DLC1: variants seen among roughly 807,000 people sequenced by gnomAD.
DLC1 encodes rho GTPase-activating protein 7.
Under a neutral mutation model 140.3 loss-of-function variants are expected in DLC1, and 54 were observed. The ratio of observed to expected loss-of-function variants is 0.38; its 90% CI spans 0.31 to 0.48. The LOEUF is 0.48. Ranked by LOEUF, DLC1 falls within the 20% of genes least tolerant of loss-of-function variation. The pLI, the probability that DLC1 is intolerant of heterozygous loss-of-function variation, is 0.96. For missense variants in DLC1, 2,536 were observed against 1,907.0 expected, an observed-to-expected ratio of 1.33 and a Z score of -6.14; for synonymous variants, 986 against 728.1, an observed-to-expected ratio of 1.35 and a Z score of -5.70.
intron 2 of DLC1, among the ~76,000 whole-genome samples, chr8:13,477,695 C>T (rs1043572546): frequency 6.6e-6 from 1 of 152,094 alleles, no homozygotes; most frequent in African/African-American, 2.4e-5. Context: ...CATATCACTT[C>T]TACATGCTGA....
chr8:13,460,702 C>T (rs984333897), intron 2 of DLC1, among the ~76,000 whole-genome samples: 1 of 152,202 alleles, frequency 6.6e-6, no homozygotes, highest in Non-Finnish European at 1.5e-5. Flanking sequence ...GCTGATCTTT[C>T]CTGATGGCAG....
chr8:13,086,042 A>G (rs1817528386), intron 17 of DLC1, 111 bp from the exon 18 acceptor site: 1 of 1,474,572 alleles, frequency 6.8e-7, no homozygotes, highest in Non-Finnish European at 9.0e-7. Flanking sequence ...ATCATTTCCC[A>G]TGCCTTTGAA....
In DLC1 at chr8:13,099,663, C is replaced by G. The variant is rs1818836567; in HGVS notation, c.2674G>C (p.Gly892Arg). The G allele has an allele frequency of 6.2e-7, 1 of 1,614,202 alleles. No homozygotes were observed. Among genetic ancestry groups the G allele is most frequent in the Non-Finnish European group, 8.5e-7 (1 of 1,180,040 alleles). The change falls in exon 9 of 18, where the codon GGG becomes CGG. Residue 892 changes from glycine (G) to arginine (R), a missense_variant. Gly to Arg is a moderately radical substitution (Grantham distance 125). Coordinates refer to ENST00000276297, the MANE Select transcript of DLC1 (RefSeq NM_182643.3). ...TCGTTCTCCAGATCCGCCAGGTCCC[C>G]TGAACTGGAGTAGAGGATGGAGCCC... The part of the protein sequence containing the change: ...VPGSILYSSS[G>R]DLADLENEDI...
intron 7 of DLC1, among the ~76,000 whole-genome samples, chr8:13,107,751 C>T (rs1016946037): frequency 2.0e-5 from 3 of 152,108 alleles, no homozygotes; most frequent in African/African-American, 4.8e-5. Flanking sequence ...ACTTGTACTA[C>T]GTTTTAAAGA....
rs73663576 is a variant in DLC1, at chr8:13,318,856, C to G, written c.1315-13554G>C. Among the ~76,000 whole-genome samples, 516 of 152,308 alleles carry G rather than the reference C, an allele frequency of 3.4e-3. 6 individuals carry two copies. The highest frequency in any genetic ancestry group is 0.011 in the African/African-American group (465 of 41,560). On this transcript the variant is annotated intron_variant, in intron 4 of 17. Coordinates refer to ENST00000276297, the MANE Select transcript of DLC1 (RefSeq NM_182643.3). ...CTTTGCTAGCTAAGAGTGCACTTAA[C>G]AGAGTAAAGGGAGAAATCATAGTTT...
At chr8:13,389,510 G>T (rs1836660411) in intron 4 of DLC1, among the ~76,000 whole-genome samples, 1 of 152,016 alleles carries the variant, frequency 6.6e-6, no homozygotes, top group Non-Finnish European at 1.5e-5. Flanking sequence ...GACACCATAA[G>T]CCTCTTCTTT....
intron 5 of DLC1, among the ~76,000 whole-genome samples, chr8:13,302,295 T>C (rs1488092537): frequency 1.3e-5 from 2 of 152,194 alleles, no homozygotes; most frequent in African/African-American, 4.8e-5. Flanking sequence ...CCATGCCTTG[T>C]TCATAACTGC....
At chr8:13,345,030 T>G (rs1448195126) in intron 4 of DLC1, among the ~76,000 whole-genome samples, 1 of 152,092 alleles carries the variant, frequency 6.6e-6, no homozygotes, top group African/African-American at 2.4e-5. Context: ...AATTCCAGGA[T>G]AGTGAAGTAG....
At chr8:13,396,374 G>C (rs953249582) in intron 3 of DLC1, among the ~76,000 whole-genome samples, 1 of 152,012 alleles carries the variant, frequency 6.6e-6, no homozygotes, top group Non-Finnish European at 1.5e-5. Context: ...TTAATTTCCT[G>C]TTTGTGATTT....
intron 5 of DLC1, among the ~76,000 whole-genome samples, chr8:13,177,926 A>C (rs1024297258): frequency 3.0e-4 from 46 of 152,172 alleles, no homozygotes; most frequent in African/African-American, 8.4e-4. Flanking sequence ...TTAGACCCCA[A>C]AAAAAAGGGG....
chr8:13,443,397 C>T (rs891523212), intron 2 of DLC1, among the ~76,000 whole-genome samples: 9 of 147,812 alleles, frequency 6.1e-5, no homozygotes, highest in African/African-American at 2.0e-4. Context: ...TGGTGGCTCA[C>T]GCCTGTAATC....
intron 1 of DLC1, among the ~76,000 whole-genome samples, chr8:13,572,238 T>C (rs1435400450): frequency 6.6e-6 from 1 of 151,922 alleles, no homozygotes; most frequent in African/African-American, 2.4e-5. Flanking sequence ...TACAGGTGCC[T>C]GCCACCACGC....
intron 1 of DLC1, among the ~76,000 whole-genome samples, chr8:13,575,210 T>C (rs1395267858): frequency 6.6e-6 from 1 of 152,144 alleles, no homozygotes; most frequent in African/African-American, 2.4e-5. Flanking sequence ...CCACTGTTTG[T>C]CGAGGTATTA....
At chr8:13,384,753 T>C (rs1836437938) in intron 4 of DLC1, among the ~76,000 whole-genome samples, 1 of 152,128 alleles carries the variant, frequency 6.6e-6, no homozygotes. Context: ...TCTGCTGTCT[T>C]TTACATTTTG....
At chr8:13,132,828 A>T in intron 5 of DLC1, 3 of 1,293,494 alleles carry the variant, frequency 2.3e-6, no homozygotes, top group Non-Finnish European at 3.3e-6. Flanking sequence ...GAAAGCGTTT[A>T]AAGAGCACAG....
chr8:13,308,258 G>A (rs9325885), intron 4 of DLC1, among the ~76,000 whole-genome samples: 10 of 151,984 alleles, frequency 6.6e-5, no homozygotes, highest in South Asian at 2.1e-4. Flanking sequence ...ACGTTAGAAT[G>A]TCACCACACT....
At chr8:13,230,040 G>A (rs1427900508) in intron 5 of DLC1, among the ~76,000 whole-genome samples, 2 of 152,172 alleles carry the variant, frequency 1.3e-5, no homozygotes, top group Admixed American at 1.3e-4. Context: ...TGTGGTAGCT[G>A]CAGGCTCATA....
At chr8:13,097,100 C>T (rs887263640) in intron 10 of DLC1, among the ~76,000 whole-genome samples, 2 of 151,928 alleles carry the variant, frequency 1.3e-5, no homozygotes, top group African/African-American at 4.8e-5. Flanking sequence ...ACAATTTGTA[C>T]AATGCATTTC....
intron 5 of DLC1, among the ~76,000 whole-genome samples, chr8:13,196,599 C>A (rs1374238720): frequency 6.6e-6 from 1 of 152,202 alleles, no homozygotes; most frequent in Non-Finnish European, 1.5e-5. Context: ...TTCACAGATA[C>A]TCCTTTTACA....
Sources: gnomAD v4.1 joint callset for allele counts (sites outside exome capture counted in the v4.1 genomes callset) on GRCh38, gnomAD v4.1.1 for gene constraint, MANE v1.5 for transcripts, NCBI Gene and HGNC (gene_info 2026-07-23, HGNC 2026-07-21) for gene names.